ZNF638: variants seen among roughly 807,000 people sequenced by gnomAD.
ZNF638 encodes CTCL tumor antigen se33-1.
A neutral mutation model predicts 195.6 loss-of-function variants in ZNF638; 46 were observed. That is an observed-to-expected ratio of 0.24 (90% CI 0.19 to 0.30). The LOEUF (loss-of-function observed/expected upper bound fraction) is 0.30. Ranked by LOEUF, ZNF638 falls within the 10% of genes least tolerant of loss-of-function variation. ZNF638 has a pLI of 1.00. For synonymous variants in ZNF638, 845 were observed against 772.0 expected, an observed-to-expected ratio of 1.09 and a Z score of -1.57; for missense variants, 2,440 against 2,325.3, an observed-to-expected ratio of 1.05 and a Z score of -1.01.
intron 10 of ZNF638, chr2:71,395,421 C>T (rs1464735913): frequency 1.5e-5 from 10 of 645,708 alleles, no homozygotes; most frequent in Admixed American, 1.3e-4. Flanking sequence ...CTTGGAAGTC[C>T]AGGAGGTTTT....
rs756339870 is a variant in ZNF638 at position 71,365,410 on chromosome 2, A to G, written c.1718-19A>G. On this transcript the variant is annotated intron_variant, in intron 5 of 27. Transcript: ENST00000264447. The stretch of plus-strand genomic sequence containing the variant: ...TTAATTTTTTTCCAATTGAAATTAT[A>G]TTTATATCTTTTTACTAGATAGAAA... 6.5e-7 allele frequency: 1 copy of G among 1,543,720 alleles called. No individual in the cohort carries two copies. Among genetic ancestry groups the G allele is most frequent in the East Asian group, 2.4e-5 (1 of 41,606 alleles).
intron 10 of ZNF638, among the ~76,000 whole-genome samples, chr2:71,394,474 C>T (rs1206807343): frequency 1.3e-5 from 2 of 152,214 alleles, no homozygotes; most frequent in East Asian, 1.9e-4. Context: ...ATTTCCATTA[C>T]ACCTCAAAAC....
intron 10 of ZNF638, among the ~76,000 whole-genome samples, chr2:71,386,246 A>G (rs1402723044): frequency 7.0e-6 from 1 of 141,930 alleles, no homozygotes; most frequent in Non-Finnish European, 1.5e-5. Flanking sequence ...GTGAACTGTG[A>G]TCGTGCTACT....
chr2:71,344,682 C>A (rs1177367382), intron 1 of ZNF638, among the ~76,000 whole-genome samples: 1 of 151,824 alleles, frequency 6.6e-6, no homozygotes, highest in Non-Finnish European at 1.5e-5. Context: ...AATTTTATTC[C>A]CTTGAATTGA....
intron 2 of ZNF638, among the ~76,000 whole-genome samples, chr2:71,352,255 A>G (rs2078952701): frequency 6.6e-6 from 1 of 152,046 alleles, no homozygotes; most frequent in Admixed American, 6.6e-5. Flanking sequence ...AGACAGGTGG[A>G]TCACCTGAGG....
chr2:71,405,152 T>C (rs1387716975), intron 17 of ZNF638, among the ~76,000 whole-genome samples: 1 of 152,208 alleles, frequency 6.6e-6, no homozygotes, highest in African/African-American at 2.4e-5. Flanking sequence ...TTGATATCCT[T>C]GTTCCCTGAT....
chr2:71,383,890 C>G (rs1367547805), intron 10 of ZNF638, among the ~76,000 whole-genome samples: 1 of 151,078 alleles, frequency 6.6e-6, no homozygotes, highest in Non-Finnish European at 1.5e-5. Flanking sequence ...GTGTGAGCCA[C>G]CATGCCTGGC....
chr2:71,432,579 C>T (rs950610658), intron 26 of ZNF638, among the ~76,000 whole-genome samples: 8 of 152,114 alleles, frequency 5.3e-5, no homozygotes, highest in African/African-American at 1.9e-4. Context: ...CTTTGTTATC[C>T]GAAGATTCTC....
rs112295525 is a variant in ZNF638 at position 71,367,845 on chromosome 2, C to T, written c.1996-537C>T. 9.1e-3 allele frequency among the ~76,000 whole-genome samples: 1,377 copies of T among 151,844 alleles called. 21 individuals are homozygous for T. Among genetic ancestry groups the T allele is most frequent in the African/African-American group, 0.032 (1,312 of 41,414 alleles). On this transcript the variant is annotated intron_variant, in intron 6 of 27. Coordinates refer to ENST00000264447, the MANE Select transcript of ZNF638 (RefSeq NM_014497.5). ...CTTGGCCTCCCAAAGCAGTGGGATA[C>T]AGGCATGAGCCACCATGCCTGGCTG...
intron 10 of ZNF638, among the ~76,000 whole-genome samples, chr2:71,394,033 T>C (rs1286103344): frequency 6.6e-6 from 1 of 152,192 alleles, no homozygotes; most frequent in Non-Finnish European, 1.5e-5. Flanking sequence ...TCCCCAGCAT[T>C]CTTCCCTGTG....
intron 12 of ZNF638, 102 bp from the exon 13 acceptor site, chr2:71,399,457 C>T: frequency 1.3e-6 from 1 of 756,382 alleles, no homozygotes; most frequent in Non-Finnish European, 2.2e-6. Context: ...AAAAGAGCTG[C>T]TTTTGTAATA....
chr2:71,410,388 G>T lies in ZNF638; in HGVS notation c.3261+2141G>T, dbSNP rs368653007. ...TTTTTGATTTTTTTTTTGTGTGTGT[G>T]TGTGTGTAGATGGGGTCTCATTGTG... On this transcript the variant is annotated intron_variant, in intron 20 of 27. Coordinates refer to ENST00000264447, the MANE Select transcript of ZNF638 (RefSeq NM_014497.5). 4.0e-5 allele frequency among the ~76,000 whole-genome samples: 6 copies of T among 151,860 alleles called. No homozygotes were observed. The South Asian group carries it at 8.3e-4, about 21-fold the overall frequency.
At chr2:71,384,292 C>T (rs892703988) in intron 10 of ZNF638, among the ~76,000 whole-genome samples, 1 of 152,188 alleles carries the variant, frequency 6.6e-6, no homozygotes, top group Non-Finnish European at 1.5e-5. Context: ...TTATTATACA[C>T]GTTGTTGCCC....
At chr2:71,341,103 T>C (rs762538980) in intron 1 of ZNF638, among the ~76,000 whole-genome samples, 1 of 152,254 alleles carries the variant, frequency 6.6e-6, no homozygotes, top group Admixed American at 6.5e-5. Context: ...TTCTTGGTTG[T>C]CTGTGGTATT....
At chr2:71,385,417 A>G (rs1456983160) in intron 10 of ZNF638, among the ~76,000 whole-genome samples, 1 of 152,206 alleles carries the variant, frequency 6.6e-6, no homozygotes, top group Admixed American at 6.5e-5. Flanking sequence ...GCTATTTTAA[A>G]AAGTTTTATA....
chr2:71,422,944 G>A lies in ZNF638; in HGVS notation c.3430G>A (p.Glu1144Lys), dbSNP rs2080462077. The A allele has an allele frequency of 1.2e-6, 2 of 1,614,116 alleles. No homozygotes were observed. The highest frequency in any genetic ancestry group is 2.7e-5 in the African/African-American group (2 of 75,044). The change falls in exon 22 of 28, where the codon GAA becomes AAA. Residue 1144 changes from glutamate to lysine, a missense_variant. Transcript: ENST00000264447. ...TCAAACAGAAACTTTGGTACAGCAG[G>A]AAGAGCCTTGTGAGGAAGAAGCTGA... ...SIQTETLVQQ[E>K]EPCEEEAEKA...
chr2:71,349,374 C>T lies in ZNF638; in HGVS notation c.420C>T (p.Ala140=), dbSNP rs759979187. 3 of 1,614,082 alleles carry T rather than the reference C, an allele frequency of 1.9e-6. No individual in the cohort carries two copies. The highest frequency in any genetic ancestry group is 2.5e-6 in the Non-Finnish European group (3 of 1,180,026). Residue 140 remains alanine (A), a synonymous_variant, in exon 2 of 28, where the codon GCC becomes GCT. Coordinates refer to ENST00000264447, the MANE Select transcript of ZNF638 (RefSeq NM_014497.5). ...KVQSRYTKES[A]SSILASFGLS... ...AGAGCCGCTATACAAAAGAGAGTGCCTCAAGTATCTTAGCAAGTTTTGGAT... is the reference window on the plus strand; with the variant it reads ...AGAGCCGCTATACAAAAGAGAGTGCTTCAAGTATCTTAGCAAGTTTTGGAT...
intron 26 of ZNF638, among the ~76,000 whole-genome samples, chr2:71,432,132 T>TCAGA (rs1331722569): frequency 6.6e-6 from 1 of 152,222 alleles, no homozygotes; most frequent in African/African-American, 2.4e-5. Flanking sequence ...TACTCCTCAA[T>TCAGA]CAGACAGTTG....
intron 21 of ZNF638, 129 bp downstream of exon 21, chr2:71,418,768 G>T: frequency 1.8e-6 from 1 of 548,606 alleles, no homozygotes; most frequent in Non-Finnish European, 3.0e-6. Flanking sequence ...GTGTACATAT[G>T]GGCTTGTTAC....
Sources: gnomAD v4.1 joint callset for allele counts (sites outside exome capture counted in the v4.1 genomes callset) on GRCh38, gnomAD v4.1.1 for gene constraint, MANE v1.5 for transcripts, NCBI Gene and HGNC (gene_info 2026-07-23, HGNC 2026-07-21) for gene names.